The following RNF213 variants were observed in gnomAD, a reference collection of about 807,000 sequenced individuals.
RNF213 encodes the protein E3 ubiquitin-protein ligase RNF213.
In RNF213, 341 loss-of-function variants were observed where a neutral mutation model predicts 514.4. The observed-to-expected ratio is 0.66, with a 90% CI of 0.61 to 0.73. The LOEUF (loss-of-function observed/expected upper bound fraction) is 0.73, where lower values mean the gene tolerates loss of function less well. Among genes scored for constraint, RNF213 ranks in the 30% least tolerant of loss-of-function variants. The pLI is 0.00. For missense variants in RNF213, 5,767 were observed against 6,615.6 expected (o/e 0.87, Z 4.45); for synonymous variants, 2,655 against 2,658.2 (o/e 1.00, Z 0.04).
chr17:80,288,273 G>A lies in RNF213; in HGVS notation c.720G>A (p.Glu240=). The A allele has an allele frequency of 6.2e-7, 1 of 1,613,160 alleles. No homozygotes were observed. The highest frequency in any genetic ancestry group is 8.5e-7 in the Non-Finnish European group (1 of 1,180,002). Reference sequence around the variant, plus strand: ...CTAGGACTGAAGATGCTGCCCAGGAGCTCCTGTTGCCTGAGTCAAAAGGAG... The same window carrying A: ...CTAGGACTGAAGATGCTGCCCAGGAACTCCTGTTGCCTGAGTCAAAAGGAG... ...GHSRTEDAAQ[E]LLLPESKGGS... The change falls in exon 4 of 68, where the codon GAG becomes GAA. Residue 240 remains glutamate (E), a synonymous_variant. Coordinates refer to ENST00000582970, the MANE Select transcript of RNF213 (RefSeq NM_001256071.3). The surrounding 1 kb of genome is among the most constrained non-coding windows in gnomAD (Gnocchi z 4.9).
rs371796519 is a variant in RNF213, at chr17:80,386,390, A to G, written c.14680A>G (p.Ile4894Val). The G allele has an allele frequency of 4.3e-6, 7 of 1,614,116 alleles. No homozygotes were observed. The highest frequency in any genetic ancestry group is 1.3e-5 in the African/African-American group (1 of 75,032). The change falls in exon 62 of 68, where the codon ATT (isoleucine) becomes GTT (valine). Residue 4894 changes from isoleucine (I) to valine (V), a missense_variant. Physicochemically the swap from Ile to Val is conservative, Grantham distance 29. This residue lies in a region of RNF213 where 1,245 missense variants were observed against 1,339.0 expected (regional missense o/e 0.93). Coordinates refer to ENST00000582970, the MANE Select transcript of RNF213 (RefSeq NM_001256071.3). ...CTACTTGATTCGCCTACACAATGAA[A>G]TTGTCTACGCCGTGGAAAAACTCTC... ...VSYLIRLHNE[I>V]VYAVEKLSKE...
At chr17:80,369,720 C>T in intron 45 of RNF213, 48 bp from the exon 46 acceptor site, 1 of 1,613,050 alleles carries the variant, frequency 6.2e-7, no homozygotes. Context: ...CTTCATCTCG[C>T]TTCTGCATGT....
At chr17:80,313,860 GTGGTGGTGA>G (rs2045694621) in intron 15 of RNF213, among the ~76,000 whole-genome samples, 1 of 125,306 alleles carries the variant, frequency 8.0e-6, no homozygotes, top group Non-Finnish European at 1.7e-5. Context: ...GGAGGTGATG[GTGGTGGTGA>G]AGGTGATGGT....
Position 80,307,123 on chromosome 17 carries a change from C to T in RNF213, c.2428-5C>T. ...GTCCTGTTTTTCTTTTTTTCTCTGC[C>T]TTAGGATGTTCAGGATGTTCAGAAC... On this transcript the variant is annotated splice_region_variant and splice_polypyrimidine_tract_variant and intron_variant, in intron 12 of 67. Transcript: ENST00000582970. The T allele has an allele frequency of 1.2e-6, 2 of 1,613,312 alleles. No homozygotes were observed. Among genetic ancestry groups the T allele is most frequent in the Non-Finnish European group, 1.7e-6 (2 of 1,179,668 alleles).
chr17:80,305,040 AT>A (rs1252457747), intron 11 of RNF213, among the ~76,000 whole-genome samples: 1 of 151,956 alleles, frequency 6.6e-6, no homozygotes, highest in Non-Finnish European at 1.5e-5. Context: ...CTTTTTGTGT[AT>A]TTATTTATTT....
chr17:80,310,848 G>A (rs899896959), intron 14 of RNF213, among the ~76,000 whole-genome samples: 6 of 152,090 alleles, frequency 3.9e-5, no homozygotes, highest in African/African-American at 1.2e-4. Context: ...TACTGCACCC[G>A]GCTGATCATT....
At chr17:80,380,341 A>C (rs938968420) in intron 55 of RNF213, among the ~76,000 whole-genome samples, 6 of 152,124 alleles carry the variant, frequency 3.9e-5, no homozygotes, top group Non-Finnish European at 7.4e-5. Context: ...TATCTCCAGA[A>C]ACTGTCACAG....
At chr17:80,388,956 T>C in intron 64 of RNF213, 1 of 623,398 alleles carries the variant, frequency 1.6e-6, no homozygotes, top group Admixed American at 2.6e-5. Context: ...TGGAACCGAT[T>C]TGTTCCTGCT....
rs1401000263 is a variant in RNF213, at chr17:80,309,022, C to T, written c.2506C>T (p.Pro836Ser). The T allele has an allele frequency of 6.2e-7, 1 of 1,613,864 alleles. No individual in the cohort carries two copies. The highest frequency in any genetic ancestry group is 1.1e-5 in the South Asian group (1 of 91,076). Reference sequence around the variant, plus strand: ...TCTTAACTCTTTGCGGGGCAGGATTCCCGAGGAGGCCTTGTCACCATCCTA... The same window carrying T: ...TCTTAACTCTTTGCGGGGCAGGATTTCCGAGGAGGCCTTGTCACCATCCTA... ...RLLDTYRDKI[P>S]EEALSPSYLT... Residue 836 changes from proline (P) to serine (S), a missense_variant, in exon 14 of 68, where the codon CCC becomes TCC. Pro to Ser is a moderately conservative substitution (Grantham distance 74). Around this residue, in one of 13 missense-constraint regions of RNF213, gnomAD observed 592 missense variants for 673.9 expected, o/e 0.88. Coordinates refer to ENST00000582970, the MANE Select transcript of RNF213 (RefSeq NM_001256071.3).
chr17:80,265,276 A>G (rs985095429), intron 2 of RNF213, among the ~76,000 whole-genome samples: 1 of 151,756 alleles, frequency 6.6e-6, no homozygotes, highest in East Asian at 1.9e-4. Context: ...TGAACTCCTG[A>G]CCTCAGGTGA....
At chr17:80,287,400 G>T (rs1223998897) in intron 3 of RNF213, among the ~76,000 whole-genome samples, 1 of 152,246 alleles carries the variant, frequency 6.6e-6, no homozygotes, top group Admixed American at 6.5e-5. Context: ...CTACTCAAGA[G>T]GTTGATGGGG....
intron 3 of RNF213, among the ~76,000 whole-genome samples, chr17:80,286,906 C>T (rs2044491753): frequency 6.6e-6 from 1 of 152,212 alleles, no homozygotes; most frequent in South Asian, 2.1e-4. Flanking sequence ...GGGGACCGTA[C>T]ACCTGAACCT....
chr17:80,310,488 C>T (rs569182976), intron 14 of RNF213, among the ~76,000 whole-genome samples: 1 of 151,762 alleles, frequency 6.6e-6, no homozygotes, highest in South Asian at 2.1e-4. Flanking sequence ...CCTGACCTCA[C>T]GTGATCCACC....
chr17:80,274,748 A>G, intron 3 of RNF213, among the ~76,000 whole-genome samples: 1 of 6,802 alleles, frequency 1.5e-4, no homozygotes, highest in Non-Finnish European at 2.5e-4. Flanking sequence ...GTGGGGGGTG[A>G]GTGGGGTGAG....
intron 9 of RNF213, 123 bp from the exon 10 acceptor site, chr17:80,295,434 A>C (rs2044899350): frequency 1.6e-6 from 2 of 1,250,084 alleles, no homozygotes; most frequent in African/African-American, 1.5e-5. Flanking sequence ...TGTGGCTCTC[A>C]CAGGTGTGGT....
At position 80,397,591 on chromosome 17, in the gene RNF213, CCT is replaced by C. The variant is rs1568183851; in HGVS notation, c.*4094_*4095del. ...GCATGCAGCCCCCAGTCACGTACCC[CCT>C]GCTTGCTCAATCAATCACGACCCTC... On this transcript the variant is annotated 3_prime_UTR_variant, in exon 68 of 68. Transcript: ENST00000582970. The C allele has an allele frequency of 1.3e-5, 2 of 151,970 alleles. No individual in the cohort carries two copies. Among genetic ancestry groups the C allele is most frequent in the Non-Finnish European group, 2.9e-5 (2 of 67,996 alleles). 9.4% of individuals were successfully genotyped at this position (151,970 alleles called of 1,614,324 possible). A position where few individuals can be genotyped will look rare whatever the true frequency, so the allele number is the denominator to read the frequency against.
chr17:80,306,265 C>G lies in RNF213; in HGVS notation c.2224C>G (p.Gln742Glu), dbSNP rs79792282. 3,327 of 1,614,112 alleles carry G rather than the reference C, an allele frequency of 2.1e-3. 70 individuals are homozygous for G. In the African/African-American group the frequency reaches 0.035, roughly 17 times the overall value. The change falls in exon 12 of 68, where the codon CAG becomes GAG. Residue 742 changes from glutamine (Q) to glutamate (E), a missense_variant. Coordinates refer to ENST00000582970, the MANE Select transcript of RNF213 (RefSeq NM_001256071.3). ...TCTCTTATGCAGGAGTTCCCTACTTCAGTTTATGAGAGAGAAGCAGCATTT... is the reference window on the plus strand; with the variant it reads ...TCTCTTATGCAGGAGTTCCCTACTTGAGTTTATGAGAGAGAAGCAGCATTT... ...EQMLDTSSLL[Q>E]FMREKQHLLS...
chr17:80,351,519 G>C (rs529961652), intron 31 of RNF213, among the ~76,000 whole-genome samples, 166 bp from the exon 32 acceptor site: 1 of 152,322 alleles, frequency 6.6e-6, no homozygotes, highest in South Asian at 2.1e-4. Context: ...ACGATCGCAG[G>C]GCTCTGAAGT....
At position 80,332,546 on chromosome 17, in the gene RNF213, T is replaced by G; in HGVS notation, c.4058T>G (p.Val1353Gly). 6.5e-7 allele frequency: 1 copy of G among 1,536,278 alleles called. No homozygotes were observed. The highest frequency in any genetic ancestry group is 8.7e-7 in the Non-Finnish European group (1 of 1,146,080). The stretch of plus-strand genomic sequence containing the variant: ...GAATACCATCACCTGCACCAGGCTG[T>G]CCACGCAGCCAAGGTCATCTTGCAG... ...IKEYHHLHQA[V>G]HAAKVILQVK... Residue 1353 changes from valine (V) to glycine (G), a missense_variant, in exon 21 of 68, where the codon GTC (valine) becomes GGC (glycine). Coordinates refer to ENST00000582970, the MANE Select transcript of RNF213 (RefSeq NM_001256071.3).
Sources: allele counts gnomAD v4.1 joint callset (sites outside exome capture counted in the v4.1 genomes callset), GRCh38; gene constraint gnomAD v4.1.1; regional missense constraint gnomAD v4.1.1; non-coding constraint Gnocchi (gnomAD v3.1); transcripts MANE v1.5; gene names NCBI Gene and HGNC (gene_info 2026-07-23, HGNC 2026-07-21).